Variants in CLSTN2 observed in about 807,000 individuals in gnomAD.
The protein encoded by CLSTN2 is calsyntenin 2, also known as calsyntenin-2.
CLSTN2 carries 48 observed loss-of-function variants against 101.2 expected under a neutral mutation model. The observed-to-expected ratio is 0.47, with a 90% CI of 0.38 to 0.60. The LOEUF (loss-of-function observed/expected upper bound fraction) is 0.60, where lower values mean the gene tolerates loss of function less well. Ranked by LOEUF, CLSTN2 falls within the 20% of genes least tolerant of loss-of-function variation. The pLI is 0.00. For synonymous variants in CLSTN2, 481 were observed against 463.6 expected (o/e 1.04, Z -0.48); for missense variants, 1,160 against 1,238.2 (o/e 0.94, Z 0.95).
chr3:140,384,308 C>G (rs923238428), intron 2 of CLSTN2, among the ~76,000 whole-genome samples: 3 of 152,130 alleles, frequency 2.0e-5, no homozygotes, highest in African/African-American at 7.2e-5. Context: ...TTATTTTGCT[C>G]CAGAATTAGA....
intron 8 of CLSTN2, among the ~76,000 whole-genome samples, chr3:140,469,900 T>A (rs1361062442): frequency 6.6e-6 from 1 of 152,206 alleles, no homozygotes; most frequent in African/African-American, 2.4e-5. Flanking sequence ...AGACTCATTT[T>A]ATTGAGCATT....
In CLSTN2 at chr3:140,056,371, G is replaced by T. The variant is rs191923252; in HGVS notation, c.110-119580G>T. Among the ~76,000 whole-genome samples, 622 of 152,274 alleles carry T rather than the reference G, an allele frequency of 4.1e-3. 4 individuals carry two copies. Among genetic ancestry groups the T allele is most frequent in the African/African-American group, 0.014 (598 of 41,562 alleles). The stretch of plus-strand genomic sequence containing the variant: ...CCTGCCAACCCCCACTCTGGGTTAG[G>T]TGACCTCCCCTCTGTACCCGCAGGG... On this transcript the variant is annotated intron_variant, in intron 1 of 16. Transcript: ENST00000458420.
chr3:140,357,393 A>T (rs1262113138), intron 2 of CLSTN2, among the ~76,000 whole-genome samples: 1 of 152,068 alleles, frequency 6.6e-6, no homozygotes, highest in Non-Finnish European at 1.5e-5. Flanking sequence ...CTGGGCCAAC[A>T]ACATCAGAGC....
At chr3:140,330,194 A>G (rs2087369106) in intron 2 of CLSTN2, among the ~76,000 whole-genome samples, 1 of 152,192 alleles carries the variant, frequency 6.6e-6, no homozygotes, top group African/African-American at 2.4e-5. Flanking sequence ...TGGCAAGTAG[A>G]TAGGCTGTGG....
intron 1 of CLSTN2, among the ~76,000 whole-genome samples, chr3:140,067,493 C>T (rs926713498): frequency 6.6e-6 from 1 of 152,190 alleles, no homozygotes; most frequent in Non-Finnish European, 1.5e-5. Context: ...AAGGCTGTTA[C>T]ATAAATGCTC....
chr3:140,292,585 G>T (rs1055241341), intron 2 of CLSTN2, among the ~76,000 whole-genome samples: 3 of 152,194 alleles, frequency 2.0e-5, no homozygotes, highest in Non-Finnish European at 4.4e-5. Flanking sequence ...CTTCAGGCCT[G>T]TTAGAACTAC....
At chr3:139,974,655 T>C (rs568661489) in intron 1 of CLSTN2, among the ~76,000 whole-genome samples, 127 of 152,220 alleles carry the variant, frequency 8.3e-4, no homozygotes, top group Non-Finnish European at 1.5e-3. Context: ...AATTCATCAG[T>C]CCAAGTAAAT....
At chr3:140,136,687 TG>T (rs919379868) in intron 1 of CLSTN2, among the ~76,000 whole-genome samples, 1 of 152,178 alleles carries the variant, frequency 6.6e-6, no homozygotes, top group African/African-American at 2.4e-5. Context: ...CTTCTTCACC[TG>T]TAAAAGATGG....
chr3:140,270,161 G>A (rs1311682485), intron 2 of CLSTN2, among the ~76,000 whole-genome samples: 1 of 152,182 alleles, frequency 6.6e-6, no homozygotes, highest in East Asian at 1.9e-4. Context: ...ATTAATTGGA[G>A]TACTAACTAT....
chr3:140,017,207 C>T (rs2007219833), intron 1 of CLSTN2, among the ~76,000 whole-genome samples: 1 of 152,184 alleles, frequency 6.6e-6, no homozygotes, highest in African/African-American at 2.4e-5. Flanking sequence ...GCTGGCTTGA[C>T]CTCTCAGGTC....
intron 1 of CLSTN2, among the ~76,000 whole-genome samples, chr3:140,107,616 G>A (rs1259838609): frequency 6.6e-6 from 1 of 152,122 alleles, no homozygotes; most frequent in Non-Finnish European, 1.5e-5. Flanking sequence ...CCTGCCAGCT[G>A]AAGAAAATTT....
intron 8 of CLSTN2, among the ~76,000 whole-genome samples, chr3:140,504,013 T>C (rs1351219745): frequency 1.3e-5 from 2 of 152,068 alleles, no homozygotes; most frequent in Non-Finnish European, 2.9e-5. Flanking sequence ...AGCCACAAAA[T>C]CCCTTAGAAT....
Position 140,558,674 on chromosome 3 carries a change from G to A in CLSTN2, c.1858G>A (p.Glu620Lys), listed in dbSNP as rs762229815. The A allele has an allele frequency of 7.4e-6, 12 of 1,613,868 alleles. No homozygotes were observed. The African/African-American group carries it at 9.3e-5, about 13-fold the overall frequency. ...GGAAGACGTATGCATCAGTATCCCT[G>A]AGGTAGATGCCTATGTGATGGTCCT... ...FGEDVCISIPEVDAYVMVLQA... is the reference protein window; with the variant it reads ...FGEDVCISIPKVDAYVMVLQA... The change falls in exon 12 of 17, where the codon GAG becomes AAG. Residue 620 changes from glutamate to lysine, a missense_variant. Glu to Lys is a moderately conservative substitution (Grantham distance 56). Transcript: ENST00000458420.
At chr3:140,348,801 A>C (rs966984424) in intron 2 of CLSTN2, among the ~76,000 whole-genome samples, 1 of 152,118 alleles carries the variant, frequency 6.6e-6, no homozygotes, top group African/African-American at 2.4e-5. Flanking sequence ...CGAAGGTTCC[A>C]CTGTGTCAAA....
In CLSTN2 at chr3:140,092,863, C is replaced by A. The variant is rs913384541; in HGVS notation, c.110-83088C>A. 2.0e-5 allele frequency among the ~76,000 whole-genome samples: 3 copies of A among 152,190 alleles called. No homozygotes were observed. The East Asian group carries it at 5.8e-4, about 29-fold the overall frequency. On this transcript the variant is annotated intron_variant, in intron 1 of 16. Transcript: ENST00000458420. ...TTCAGTCTCCAGGGACGGTGACTTG[C>A]GTGCTGCCTGGCTCCTCCTACCTCA...
chr3:140,508,874 C>A (rs1386556554), intron 8 of CLSTN2: 1 of 152,156 alleles, frequency 6.6e-6, no homozygotes, highest in Admixed American at 6.5e-5. Context: ...GGAAGAAAGC[C>A]TGGCGGGCCT....
intron 2 of CLSTN2, among the ~76,000 whole-genome samples, chr3:140,187,409 G>A (rs575863911): frequency 3.9e-5 from 6 of 152,014 alleles, no homozygotes; most frequent in East Asian, 3.9e-4. Flanking sequence ...TCCCTTAATC[G>A]CCCCTCTCCC....
In CLSTN2 at chr3:140,427,211, A is replaced by T. The variant is rs1394276065; in HGVS notation, c.787+5937A>T. On this transcript the variant is annotated intron_variant, in intron 5 of 16. Transcript: ENST00000458420. ...TATATATATATATATATATGTGTATATATATATATATATGTGTGTATATAT... is the reference window on the plus strand; with the variant it reads ...TATATATATATATATATATGTGTATTTATATATATATATGTGTGTATATAT... Among the ~76,000 whole-genome samples, 14 of 78,670 alleles carry T rather than the reference A, an allele frequency of 1.8e-4. 2 individuals are homozygous for T. The highest frequency in any genetic ancestry group is 1.3e-3 in the African/African-American group (13 of 10,318). The allele number at this position is 78,670 out of a possible 152,430, so 51.6% of individuals were successfully genotyped here. A position where few individuals can be genotyped will look rare whatever the true frequency, so the allele number is the denominator to read the frequency against.
intron 1 of CLSTN2, among the ~76,000 whole-genome samples, chr3:140,148,599 G>A (rs2009816189): frequency 6.6e-6 from 1 of 152,150 alleles, no homozygotes; most frequent in Non-Finnish European, 1.5e-5. Flanking sequence ...CACTTAATGT[G>A]TTTAGTGCCA....
Sources: gnomAD v4.1 joint callset for allele counts (sites outside exome capture counted in the v4.1 genomes callset) on GRCh38, gnomAD v4.1.1 for gene constraint, MANE v1.5 for transcripts, NCBI Gene and HGNC (gene_info 2026-07-23, HGNC 2026-07-21) for gene names.